The following HIVEP3 variants were observed in gnomAD, a reference collection of about 807,000 sequenced individuals.
The protein encoded by HIVEP3 is HIVEP zinc finger 3.
Under a neutral mutation model 152.8 loss-of-function variants are expected in HIVEP3, and 49 were observed. The observed-to-expected ratio is 0.32, with a 90% CI of 0.26 to 0.41. HIVEP3 has a LOEUF of 0.41. Ranked by LOEUF, HIVEP3 falls within the 10% of genes least tolerant of loss-of-function variation. The probability of loss-of-function intolerance (pLI) is 1.00; values close to 1 mark genes in which losing one functional copy is unlikely to be tolerated. For synonymous variants in HIVEP3, 1,269 were observed against 1,289.0 expected (o/e 0.98, Z 0.33); for missense variants, 2,790 against 3,103.3 (o/e 0.90, Z 2.40).
intron 2 of HIVEP3, among the ~76,000 whole-genome samples, chr1:41,647,205 G>C (rs1645474024): frequency 6.6e-6 from 1 of 152,118 alleles, no homozygotes; most frequent in South Asian, 2.1e-4. Flanking sequence ...CATAGACTTC[G>C]AGAATTAGGA....
At chr1:41,696,599 C>G (rs957026735) in intron 2 of HIVEP3, among the ~76,000 whole-genome samples, 1 of 152,250 alleles carries the variant, frequency 6.6e-6, no homozygotes, top group Non-Finnish European at 1.5e-5. Flanking sequence ...AGCAGCCACC[C>G]GGGCAGGAGC....
rs565726222 is a variant in HIVEP3, at chr1:41,533,157, C to T, written c.5208-8247G>A. On this transcript the variant is annotated intron_variant, in intron 5 of 8. Coordinates refer to ENST00000372583, the MANE Select transcript of HIVEP3 (RefSeq NM_024503.5). This position sits in a 1 kb window ranked among gnomAD's most constrained non-coding sequence, Gnocchi z 4.3. ...CTGTGGCTCCTCTGCTCGTTGAAGG[C>T]CAGGACCGAGGCTTGTCCAGCTTTG... 1.1e-4 allele frequency among the ~76,000 whole-genome samples: 17 copies of T among 152,254 alleles called. No individual in the cohort carries two copies. The highest frequency in any genetic ancestry group is 3.3e-4 in the Admixed American group (5 of 15,302).
At chr1:41,819,210 T>C (rs1052745503) in intron 1 of HIVEP3, among the ~76,000 whole-genome samples, 2 of 152,136 alleles carry the variant, frequency 1.3e-5, no homozygotes, top group Non-Finnish European at 2.9e-5. Context: ...TATACAGAAA[T>C]GTACAGAGAC....
At chr1:41,997,129 G>T (rs1372946365) in intron 1 of HIVEP3, among the ~76,000 whole-genome samples, 1 of 152,186 alleles carries the variant, frequency 6.6e-6, no homozygotes, top group East Asian at 1.9e-4. Flanking sequence ...TATGGCAGGG[G>T]GAGGGAACAT....
At chr1:41,732,694 A>G (rs1646859584) in intron 1 of HIVEP3, among the ~76,000 whole-genome samples, 1 of 151,828 alleles carries the variant, frequency 6.6e-6, no homozygotes, top group Admixed American at 6.5e-5. Context: ...ACTCCCTTAC[A>G]CAGCTCTGCC....
intron 1 of HIVEP3, among the ~76,000 whole-genome samples, chr1:41,811,825 A>G (rs1650978523): frequency 6.6e-6 from 1 of 152,280 alleles, no homozygotes; most frequent in African/African-American, 2.4e-5. Context: ...CAGTTGCTGT[A>G]GTTGTACAGA....
At chr1:41,767,687 T>G (rs2124258279) in intron 1 of HIVEP3, among the ~76,000 whole-genome samples, 1 of 152,364 alleles carries the variant, frequency 6.6e-6, no homozygotes, top group African/African-American at 2.4e-5. Context: ...CTGCTTGACC[T>G]GCTTCTCCCT....
rs1642518935 is a variant in HIVEP3 at position 41,513,671 on chromosome 1, C to T, written c.5550G>A (p.Leu1850=). The change falls in exon 8 of 9, where the codon CTG becomes CTA. Residue 1850 remains leucine, a synonymous_variant. Transcript: ENST00000372583. ...GGTCTGAGTCTGAGTCCGAGTCCTC[C>T]AGGTCCGAAAACTGGTGCTCCTCCA... ...EAVEEHQFSD[L]EDSDSDSDLD... 2 of 1,612,688 alleles carry T rather than the reference C, an allele frequency of 1.2e-6. No individual in the cohort carries two copies. The highest frequency in any genetic ancestry group is 1.3e-5 in the African/African-American group (1 of 74,908).
intron 3 of HIVEP3, among the ~76,000 whole-genome samples, chr1:41,617,570 G>A (rs893013966): frequency 2.0e-5 from 3 of 152,230 alleles, no homozygotes; most frequent in African/African-American, 4.8e-5. Flanking sequence ...GTGCGGCACC[G>A]CCTGGGGTGA....
intron 5 of HIVEP3, among the ~76,000 whole-genome samples, chr1:41,559,851 C>T (rs190964039): frequency 1.4e-4 from 22 of 152,342 alleles, no homozygotes; most frequent in African/African-American, 3.6e-4. Context: ...CTATGTGCCA[C>T]GTACCGTGAG....
chr1:41,527,454 A>C (rs1253915019), intron 5 of HIVEP3, among the ~76,000 whole-genome samples: 9 of 84,154 alleles, frequency 1.1e-4, no homozygotes, highest in African/African-American at 2.5e-4. Flanking sequence ...TCACCCTCAC[A>C]CCCCTGTCCT....
chr1:41,642,151 G>T (rs1052583829), intron 2 of HIVEP3, among the ~76,000 whole-genome samples: 1 of 152,200 alleles, frequency 6.6e-6, no homozygotes, highest in South Asian at 2.1e-4. Context: ...CAGCAACAGC[G>T]TCTGCACTGT....
At chr1:41,670,542 G>C (rs1451503040) in intron 2 of HIVEP3, among the ~76,000 whole-genome samples, 1 of 152,210 alleles carries the variant, frequency 6.6e-6, no homozygotes, top group Admixed American at 6.5e-5. Flanking sequence ...TGGAACTTAT[G>C]TTCTAGGGGA....
chr1:41,741,641 C>T (rs536903955), intron 1 of HIVEP3, among the ~76,000 whole-genome samples: 1 of 152,370 alleles, frequency 6.6e-6, no homozygotes, highest in South Asian at 2.1e-4. Context: ...CTGCAGCCAC[C>T]TGGATCTGCT....
At chr1:41,899,496 G>T (rs917504437) in intron 1 of HIVEP3, among the ~76,000 whole-genome samples, 1 of 152,056 alleles carries the variant, frequency 6.6e-6, no homozygotes, top group Admixed American at 6.6e-5. Context: ...AGCCTCTGCT[G>T]CCCGGGTTTA....
intron 6 of HIVEP3, among the ~76,000 whole-genome samples, chr1:41,523,543 T>C (rs1315471642): frequency 6.6e-6 from 1 of 152,010 alleles, no homozygotes; most frequent in African/African-American, 2.4e-5. Context: ...GAGGCCACTC[T>C]CCCAGGGGAT....
At chr1:41,747,634 T>C (rs1472807788) in intron 1 of HIVEP3, among the ~76,000 whole-genome samples, 1 of 152,250 alleles carries the variant, frequency 6.6e-6, no homozygotes, top group African/African-American at 2.4e-5. Context: ...AGTTTTTACA[T>C]CTATCAGCTA....
chr1:41,893,151 C>T (rs368922243), intron 1 of HIVEP3, among the ~76,000 whole-genome samples: 2,829 of 146,664 alleles, frequency 0.019, 86 homozygotes, highest in African/African-American at 0.067. Context: ...AACAGAAAAG[C>T]AAAAAACCCA....
In HIVEP3 at chr1:41,508,720, C is replaced by T. The variant is rs1644409223; in HGVS notation, c.*1731G>A. On this transcript the variant is annotated 3_prime_UTR_variant, in exon 9 of 9. Coordinates refer to ENST00000372583, the MANE Select transcript of HIVEP3 (RefSeq NM_024503.5). ...AGGGAACTCACAGAAGGGTCTTAAC[C>T]CTCCCCACCTACTGTGTCCTGTACC... The T allele has an allele frequency of 6.6e-6, 1 of 152,296 alleles. No individual in the cohort carries two copies. Among genetic ancestry groups the T allele is most frequent in the Admixed American group, 6.5e-5 (1 of 15,282 alleles). 9.4% of individuals were successfully genotyped at this position (152,296 alleles called of 1,614,324 possible). A position where few individuals can be genotyped will look rare whatever the true frequency, so the allele number is the denominator to read the frequency against.
Sources: allele counts gnomAD v4.1 joint callset (sites outside exome capture counted in the v4.1 genomes callset), GRCh38; gene constraint gnomAD v4.1.1; non-coding constraint Gnocchi (gnomAD v3.1); transcripts MANE v1.5; gene names NCBI Gene and HGNC (gene_info 2026-07-23, HGNC 2026-07-21).